Variants in FTO observed in about 807,000 individuals in gnomAD.
FTO encodes FTO alpha-ketoglutarate dependent dioxygenase.
A neutral mutation model predicts 63.9 loss-of-function variants in FTO; 47 were observed. The observed-to-expected ratio is 0.74, with a 90% CI of 0.58 to 0.94. The LOEUF is 0.94. Ranked by LOEUF, FTO falls within the 40% of genes least tolerant of loss-of-function variation. The probability of loss-of-function intolerance (pLI) is 0.00; values close to 1 mark genes in which losing one functional copy is unlikely to be tolerated. For synonymous variants in FTO, 207 were observed against 224.4 expected (o/e 0.92, Z 0.69); for missense variants, 562 against 618.1 (o/e 0.91, Z 0.96).
intron 7 of FTO, among the ~76,000 whole-genome samples, chr16:53,901,464 A>G (rs1598945682): frequency 6.6e-6 from 1 of 152,208 alleles, no homozygotes; most frequent in South Asian, 2.1e-4. Flanking sequence ...AAATAAAGCC[A>G]AAGTGTCATT....
At chr16:53,899,064 TAAAC>T (rs2081341415) in intron 7 of FTO, among the ~76,000 whole-genome samples, 1 of 152,182 alleles carries the variant, frequency 6.6e-6, no homozygotes, top group Non-Finnish European at 1.5e-5. Context: ...GTTTTATTCT[TAAAC>T]AAACATAACT....
At chr16:54,038,714 T>C (rs2085002475) in intron 8 of FTO, among the ~76,000 whole-genome samples, 1 of 152,136 alleles carries the variant, frequency 6.6e-6, no homozygotes, top group African/African-American at 2.4e-5. Flanking sequence ...CTCTCCCCTC[T>C]CTCTCTTGTT....
At chr16:53,765,238 C>G (rs1442389353) in intron 1 of FTO, among the ~76,000 whole-genome samples, 3 of 151,874 alleles carry the variant, frequency 2.0e-5, no homozygotes, top group Non-Finnish European at 4.4e-5. Context: ...GATTAATATT[C>G]TATTAGAGGA....
intron 8 of FTO, among the ~76,000 whole-genome samples, chr16:54,030,165 C>G (rs77392079): frequency 0.046 from 7,043 of 152,184 alleles, 202 homozygotes; most frequent in South Asian, 0.15. Flanking sequence ...CTACTAATAA[C>G]GTCTAGAATG....
At chr16:53,732,347 G>A (rs2076292742) in intron 1 of FTO, among the ~76,000 whole-genome samples, 1 of 152,150 alleles carries the variant, frequency 6.6e-6, no homozygotes, top group African/African-American at 2.4e-5. Flanking sequence ...CACCATGCCT[G>A]GCCCATTGTG....
At chr16:53,966,861 G>A (rs73614162) in intron 8 of FTO, among the ~76,000 whole-genome samples, 2,257 of 152,234 alleles carry the variant, frequency 0.015, 57 homozygotes, top group African/African-American at 0.051. Flanking sequence ...ACCCTTCCCC[G>A]AAAGCCAGCC....
chr16:53,954,227 AAG>A (rs1465783607), intron 8 of FTO, among the ~76,000 whole-genome samples: 1 of 152,218 alleles, frequency 6.6e-6, no homozygotes, highest in Non-Finnish European at 1.5e-5. Flanking sequence ...AGGAGTTAGT[AAG>A]AGTTGTTGAA....
chr16:54,000,924 T>C (rs1218230903), intron 8 of FTO, among the ~76,000 whole-genome samples: 1 of 152,202 alleles, frequency 6.6e-6, no homozygotes. Context: ...GGACCTGCCA[T>C]TCATCAGCTG....
At position 54,112,050 on chromosome 16, in the gene FTO, G is replaced by A. The variant is rs1182749892; in HGVS notation, c.*135G>A. On this transcript the variant is annotated 3_prime_UTR_variant, in exon 9 of 9. Coordinates refer to ENST00000471389, the MANE Select transcript of FTO (RefSeq NM_001080432.3). ...AGCACCCGGGTCCCAATCCAAAACA[G>A]CTAGGAAATGGTGCCCATGAAGTTT... 2.3e-6 allele frequency: 2 copies of A among 882,570 alleles called. No individual in the cohort carries two copies. The highest frequency in any genetic ancestry group is 3.3e-5 in the African/African-American group (2 of 60,518). 54.7% of individuals were successfully genotyped at this position (882,570 alleles called of 1,614,324 possible).
intron 7 of FTO, among the ~76,000 whole-genome samples, chr16:53,903,245 G>A (rs1390644662): frequency 6.6e-6 from 1 of 151,730 alleles, no homozygotes; most frequent in East Asian, 1.9e-4. Context: ...TACCTTTCTA[G>A]GGATATTCTA....
intron 5 of FTO, 110 bp from the exon 6 acceptor site, chr16:53,879,734 G>A (rs959201606): frequency 8.0e-7 from 1 of 1,242,380 alleles, no homozygotes; most frequent in Non-Finnish European, 1.2e-6. Context: ...CTGAGCCATG[G>A]GGCAACAGGT....
rs376563195 is a variant in FTO, at chr16:53,816,615, TC to T, written c.123+6404del. Among the ~76,000 whole-genome samples the T allele has an allele frequency of 8.0e-3, 1,217 of 151,796 alleles. 19 individuals carry two copies. Among genetic ancestry groups the T allele is most frequent in the African/African-American group, 0.028 (1,144 of 41,386 alleles). On this transcript the variant is annotated intron_variant, in intron 2 of 8. Transcript: ENST00000471389. ...GTTCCCTCAACCTGGAACTCTCTCA[TC>T]CCCCCAGGCATCTGCAGATATTGTA...
chr16:53,958,868 G>A (rs1380321327), intron 8 of FTO, among the ~76,000 whole-genome samples: 2 of 152,166 alleles, frequency 1.3e-5, no homozygotes, highest in Non-Finnish European at 2.9e-5. Flanking sequence ...CAAAGCCTGG[G>A]TTCAGCTCCA....
In FTO at chr16:53,989,148, C is replaced by G. The variant is rs539274841; in HGVS notation, c.1364+55039C>G. ...CTGAGAGGCCAGAGCAGGCAGCAGT[C>G]AAGGTCAAGCAAAGCTTCATTTGAC... On this transcript the variant is annotated intron_variant, in intron 8 of 8. Transcript: ENST00000471389. Among the ~76,000 whole-genome samples the G allele has an allele frequency of 6.6e-5, 10 of 152,182 alleles. No homozygotes were observed. In the South Asian group the frequency reaches 2.1e-3, roughly 32 times the overall value.
chr16:53,918,679 T>A (rs190074847), intron 7 of FTO, among the ~76,000 whole-genome samples: 16 of 152,300 alleles, frequency 1.1e-4, no homozygotes. Flanking sequence ...CCACCCTGTG[T>A]ATATGTTGTA....
At chr16:53,784,279 A>G (rs1221855768) in intron 1 of FTO, among the ~76,000 whole-genome samples, 1 of 152,200 alleles carries the variant, frequency 6.6e-6, no homozygotes, top group Non-Finnish European at 1.5e-5. Flanking sequence ...AATCATGTAG[A>G]CAAATGAAAG....
At chr16:53,866,520 A>T (rs1320617582) in intron 4 of FTO, among the ~76,000 whole-genome samples, 1 of 152,162 alleles carries the variant, frequency 6.6e-6, no homozygotes, top group African/African-American at 2.4e-5. Flanking sequence ...CTTTGGAAAC[A>T]TGTTAATTAT....
At chr16:53,976,703 G>A (rs2083445105) in intron 8 of FTO, among the ~76,000 whole-genome samples, 1 of 151,944 alleles carries the variant, frequency 6.6e-6, no homozygotes, top group African/African-American at 2.4e-5. Context: ...CTATTAACAT[G>A]TTTTATTTCT....
intron 8 of FTO, among the ~76,000 whole-genome samples, chr16:54,045,909 AC>A (rs1678295610): frequency 1.9e-5 from 1 of 54,030 alleles, no homozygotes; most frequent in African/African-American, 2.3e-4. Context: ...AAATTCAACA[AC>A]CCTTCATGCT....
Sources: gnomAD v4.1 joint callset for allele counts (sites outside exome capture counted in the v4.1 genomes callset) on GRCh38, gnomAD v4.1.1 for gene constraint, MANE v1.5 for transcripts, NCBI Gene and HGNC (gene_info 2026-07-23, HGNC 2026-07-21) for gene names.